Variants in EPB41L5 observed in about 807,000 individuals in gnomAD.
The protein encoded by EPB41L5 is band 4.1-like protein 5.
EPB41L5 carries 55 observed loss-of-function variants against 106.6 expected under a neutral mutation model. That is an observed-to-expected ratio of 0.52 (90% CI 0.42 to 0.65). The LOEUF is 0.65. Ranked by LOEUF, EPB41L5 falls within the 30% of genes least tolerant of loss-of-function variation. The probability of loss-of-function intolerance (pLI) is 0.00; values close to 1 mark genes in which losing one functional copy is unlikely to be tolerated. For synonymous variants in EPB41L5, 297 were observed against 306.7 expected (o/e 0.97, Z 0.33); for missense variants, 871 against 882.1 (o/e 0.99, Z 0.16).
intron 20 of EPB41L5, among the ~76,000 whole-genome samples, chr2:120,149,035 CTTGT>C (rs1178281869): frequency 2.0e-5 from 3 of 152,070 alleles, no homozygotes; most frequent in African/African-American, 7.2e-5. Flanking sequence ...TATTATTCTC[CTTGT>C]TTATTATACT....
intron 3 of EPB41L5, among the ~76,000 whole-genome samples, chr2:120,066,863 T>G (rs1309232710): frequency 6.6e-6 from 1 of 152,236 alleles, no homozygotes; most frequent in African/African-American, 2.4e-5. Flanking sequence ...TAGGTATTTG[T>G]GTCAGTTAAG....
At chr2:120,129,173 T>C (rs1340955377) in intron 17 of EPB41L5, among the ~76,000 whole-genome samples, 2 of 151,820 alleles carry the variant, frequency 1.3e-5, no homozygotes, top group Non-Finnish European at 2.9e-5. Flanking sequence ...GCTCCCTGAA[T>C]CTAAAATTAA....
chr2:120,093,336 T>C, intron 14 of EPB41L5, 60 bp downstream of exon 14: 1 of 1,370,112 alleles, frequency 7.3e-7, no homozygotes, highest in Non-Finnish European at 1.0e-6. Context: ...GTAGTTGCTA[T>C]CATTAAACAA....
intron 10 of EPB41L5, among the ~76,000 whole-genome samples, chr2:120,085,140 G>A (rs568083373): frequency 3.3e-5 from 5 of 152,196 alleles, no homozygotes; most frequent in South Asian, 2.1e-4. Flanking sequence ...GTGATTCTCC[G>A]TCCAGCTTTG....
At chr2:120,106,997 C>T in intron 16 of EPB41L5, 2 of 685,696 alleles carry the variant, frequency 2.9e-6, no homozygotes, top group East Asian at 1.4e-4. Flanking sequence ...TTCAAATCAT[C>T]TTTTTTTTTT....
At chr2:120,126,469 AT>A (rs1685464925) in intron 16 of EPB41L5, among the ~76,000 whole-genome samples, 1 of 151,972 alleles carries the variant, frequency 6.6e-6, no homozygotes, top group African/African-American at 2.4e-5. Context: ...TTTTGATTCA[AT>A]TTTTGTGTAT....
At chr2:120,142,732 T>C (rs185267537) in intron 18 of EPB41L5, among the ~76,000 whole-genome samples, 1 of 152,286 alleles carries the variant, frequency 6.6e-6, no homozygotes, top group Non-Finnish European at 1.5e-5. Context: ...CAGCAAACTG[T>C]GTTTATACAA....
chr2:120,047,614 C>A (rs954053852), intron 3 of EPB41L5, among the ~76,000 whole-genome samples: 1 of 152,108 alleles, frequency 6.6e-6, no homozygotes, highest in African/African-American at 2.4e-5. Context: ...CAAACAGGGA[C>A]AATTTGACTT....
chr2:120,021,215 C>T (rs891914179), intron 2 of EPB41L5, among the ~76,000 whole-genome samples: 6 of 152,132 alleles, frequency 3.9e-5, no homozygotes, highest in African/African-American at 1.2e-4. Flanking sequence ...TGGCATGCGC[C>T]TGTAGTCCCA....
At chr2:120,051,111 C>A (rs113862571) in intron 3 of EPB41L5, among the ~76,000 whole-genome samples, 1 of 152,210 alleles carries the variant, frequency 6.6e-6, no homozygotes, top group Non-Finnish European at 1.5e-5. Flanking sequence ...GGTCAGGGAC[C>A]CACTTGAGGC....
intron 16 of EPB41L5, among the ~76,000 whole-genome samples, chr2:120,112,900 AGGCTG>A (rs1164612543): frequency 6.6e-6 from 1 of 152,222 alleles, no homozygotes; most frequent in East Asian, 1.9e-4. Context: ...CAGAACAATG[AGGCTG>A]GGCTTCAAAC....
At chr2:120,051,112 C>G (rs966751150) in intron 3 of EPB41L5, among the ~76,000 whole-genome samples, 1 of 152,178 alleles carries the variant, frequency 6.6e-6, no homozygotes, top group Admixed American at 6.5e-5. Context: ...GTCAGGGACC[C>G]ACTTGAGGCA....
intron 24 of EPB41L5, 23 bp from the exon 25 acceptor site, chr2:120,174,817 TA>T (rs1448956309): frequency 6.2e-7 from 1 of 1,607,048 alleles, no homozygotes; most frequent in Non-Finnish European, 8.5e-7. Context: ...GTTCCCTGAG[TA>T]ACCCATTCTC....
At position 120,178,547 on chromosome 2, in the gene EPB41L5, A is replaced by C. The variant is rs1419234318; in HGVS notation, c.*3640A>C. The stretch of plus-strand genomic sequence containing the variant: ...CCTGGGGTCTTCTGCAGACTGAAGA[A>C]GACACATTTCTAGATTATTTGTCCT... On this transcript the variant is annotated 3_prime_UTR_variant, in exon 25 of 25. Transcript: ENST00000263713. The C allele has an allele frequency of 1.3e-5, 2 of 152,258 alleles. No homozygotes were observed. Among genetic ancestry groups the C allele is most frequent in the African/African-American group, 4.8e-5 (2 of 41,468 alleles). 9.4% of individuals were successfully genotyped at this position (152,258 alleles called of 1,614,324 possible). A position where few individuals can be genotyped will look rare whatever the true frequency, so the allele number is the denominator to read the frequency against.
Position 120,015,446 on chromosome 2 carries a change from C to T in EPB41L5, c.-9+2236C>T, listed in dbSNP as rs575713816. ...GATTACAGACATGAGCCACTGTACCCAGCCATATATTCTTGTTGTGACTTC... is the reference window on the plus strand; with the variant it reads ...GATTACAGACATGAGCCACTGTACCTAGCCATATATTCTTGTTGTGACTTC... On this transcript the variant is annotated intron_variant, in intron 1 of 24. Coordinates refer to ENST00000263713, the MANE Select transcript of EPB41L5 (RefSeq NM_020909.4). 6.6e-5 allele frequency among the ~76,000 whole-genome samples: 10 copies of T among 152,142 alleles called. No homozygotes were observed. In the South Asian group the frequency reaches 2.1e-3, roughly 32 times the overall value.
intron 2 of EPB41L5, among the ~76,000 whole-genome samples, chr2:120,033,625 T>C (rs578068526): frequency 3.4e-5 from 5 of 149,188 alleles, no homozygotes; most frequent in Middle Eastern, 3.5e-3. Context: ...GATAATTGCT[T>C]GAACCTGGGG....
At position 120,175,876 on chromosome 2, in the gene EPB41L5, CA is replaced by C. The variant is rs1384060389; in HGVS notation, c.*973del. 6.6e-6 allele frequency: 1 copy of C among 151,726 alleles called. No homozygotes were observed. Among genetic ancestry groups the C allele is most frequent in the African/African-American group, 2.4e-5 (1 of 41,288 alleles). 9.4% of individuals were successfully genotyped at this position (151,726 alleles called of 1,614,324 possible). ...TTTCAAACTGGAAAAAAAAATGAAA[CA>C]AAACAAATACACCAAGACCAAAATA... On this transcript the variant is annotated 3_prime_UTR_variant, in exon 25 of 25. Coordinates refer to ENST00000263713, the MANE Select transcript of EPB41L5 (RefSeq NM_020909.4).
chr2:120,168,426 T>C (rs1211378321), intron 24 of EPB41L5, among the ~76,000 whole-genome samples: 4 of 152,214 alleles, frequency 2.6e-5, no homozygotes, highest in Non-Finnish European at 5.9e-5. Flanking sequence ...GAGATGCCTT[T>C]ACCAATACAT....
chr2:120,055,481 A>ATTTTTTTTTT (rs34856540), intron 3 of EPB41L5, among the ~76,000 whole-genome samples: 4 of 85,550 alleles, frequency 4.7e-5, no homozygotes, highest in Admixed American at 1.5e-4. Context: ...TAGGTTTTTA[A>ATTTTTTTTTT]TTTTTTTTTT....
Sources: allele counts gnomAD v4.1 joint callset (sites outside exome capture counted in the v4.1 genomes callset), GRCh38; gene constraint gnomAD v4.1.1; transcripts MANE v1.5; gene names NCBI Gene and HGNC (gene_info 2026-07-23, HGNC 2026-07-21).